Variants in C2orf49 observed in about 807,000 individuals in gnomAD.
The protein encoded by C2orf49 is tRNA-splicing ligase complex subunit ASW.
In C2orf49, 11 loss-of-function variants were observed where a neutral mutation model predicts 20.6. The observed-to-expected ratio is 0.53, with a 90% CI of 0.34 to 0.88. The LOEUF is 0.88. Ranked by LOEUF, C2orf49 falls within the 40% of genes least tolerant of loss-of-function variation. C2orf49 has a pLI of 0.02. For missense variants in C2orf49, 289 were observed against 274.2 expected (o/e 1.05, Z -0.38); for synonymous variants, 134 against 108.5 (o/e 1.24, Z -1.46).
the C2orf49 span, chr2:105,373,605 G>T: frequency 6.2e-7 from 1 of 1,614,236 alleles, no homozygotes. Context: ...ATGAGTACTC[G>T]TTGGAATAGC....
the C2orf49 span, chr2:105,362,902 C>T: frequency 5.6e-6 from 1 of 178,608 alleles, no homozygotes; most frequent in East Asian, 1.6e-4. Flanking sequence ...TGGAGTACAA[C>T]CGTCCCACTA....
rs1316510785 is a variant in C2orf49, at chr2:105,346,023, CTT to C, written c.*654_*655del. The C allele has an allele frequency of 6.6e-6, 1 of 150,960 alleles. No individual in the cohort carries two copies. Among genetic ancestry groups the C allele is most frequent in the Non-Finnish European group, 1.5e-5 (1 of 67,864 alleles). The allele number at this position is 150,960 out of a possible 1,614,324, so 9.4% of individuals were successfully genotyped here. The stretch of plus-strand genomic sequence containing the variant: ...TACTCTCATTAGCCTTGTTCAGAGT[CTT>C]TGGGGGAAATTTGAGATTTTTGAGA... On this transcript the variant is annotated 3_prime_UTR_variant, in exon 4 of 4. Transcript: ENST00000258457.
At chr2:105,337,799 T>G (rs919597890) in intron 1 of C2orf49, 113 bp downstream of exon 1, 14 of 934,878 alleles carry the variant, frequency 1.5e-5, no homozygotes, top group Non-Finnish European at 2.2e-5. Context: ...GCCGGGTTTG[T>G]GTCACTCTCC....
At chr2:105,365,813 A>G in the C2orf49 span, among the ~76,000 whole-genome samples, 2 of 151,928 alleles carry the variant, frequency 1.3e-5, no homozygotes. Flanking sequence ...CCACTGTACT[A>G]CAGCCCAGGT....
the C2orf49 span, among the ~76,000 whole-genome samples, chr2:105,385,556 C>T: frequency 1.3e-5 from 2 of 152,192 alleles, no homozygotes; most frequent in Middle Eastern, 6.3e-3. Context: ...CCAAAGGAAT[C>T]CCATTTTGTA....
At chr2:105,380,928 A>G in the C2orf49 span, among the ~76,000 whole-genome samples, 22,583 of 152,210 alleles carry the variant, frequency 0.15, 2,852 homozygotes, top group African/African-American at 0.35. Flanking sequence ...GTATTTTTCC[A>G]TTGCAGAAAC....
chr2:105,372,342 C>T, the C2orf49 span, among the ~76,000 whole-genome samples: 2 of 152,078 alleles, frequency 1.3e-5, no homozygotes, highest in Non-Finnish European at 2.9e-5. Flanking sequence ...TCTCCTGCCT[C>T]AGCCTCCCGA....
At chr2:105,357,919 C>G in the C2orf49 span, 3 of 152,154 alleles carry the variant, frequency 2.0e-5, no homozygotes, top group Admixed American at 2.0e-4. Flanking sequence ...GATTTCTGCT[C>G]TTTGCTGATG....
At chr2:105,343,245 AT>A in intron 3 of C2orf49, 22 bp downstream of exon 3, 2 of 1,543,220 alleles carry the variant, frequency 1.3e-6, no homozygotes, top group Non-Finnish European at 1.7e-6. Flanking sequence ...GGTGGTTTCC[AT>A]GCTGGTAAGT....
intron 2 of C2orf49, among the ~76,000 whole-genome samples, chr2:105,341,773 C>T (rs1202263671): frequency 1.3e-5 from 2 of 152,210 alleles, no homozygotes; most frequent in African/African-American, 2.4e-5. Context: ...TACTGACTGA[C>T]GTTGCTGTGC....
chr2:105,384,699 G>C, the C2orf49 span, among the ~76,000 whole-genome samples: 2 of 152,210 alleles, frequency 1.3e-5, no homozygotes, highest in Admixed American at 6.5e-5. Context: ...GTAGACACAG[G>C]GTTTCGCCAT....
the C2orf49 span, among the ~76,000 whole-genome samples, chr2:105,365,067 T>C: frequency 6.6e-6 from 1 of 152,206 alleles, no homozygotes; most frequent in Non-Finnish European, 1.5e-5. Flanking sequence ...AGTCCTCCCT[T>C]GCTCCGGATT....
the C2orf49 span, among the ~76,000 whole-genome samples, chr2:105,357,485 C>A: frequency 2.2e-4 from 33 of 152,256 alleles, no homozygotes; most frequent in Non-Finnish European, 2.9e-4. Context: ...AATTCCAGGA[C>A]CCCCTACAAA....
chr2:105,377,222 C>T, the C2orf49 span, among the ~76,000 whole-genome samples: 1 of 152,188 alleles, frequency 6.6e-6, no homozygotes, highest in Admixed American at 6.5e-5. Flanking sequence ...AGCAAAAGCT[C>T]TGGGGATTGG....
the C2orf49 span, chr2:105,363,416 A>G: frequency 6.2e-7 from 1 of 1,613,304 alleles, no homozygotes; most frequent in Non-Finnish European, 8.5e-7. Context: ...GGTGCACACG[A>G]AGCACTCCTT....
At chr2:105,363,460 C>G in the C2orf49 span, 3 of 1,608,728 alleles carry the variant, frequency 1.9e-6, no homozygotes, top group Non-Finnish European at 1.7e-6. Context: ...TGACCCCTCC[C>G]GTGGTGATGG....
chr2:105,340,340 C>T (rs956276189), intron 2 of C2orf49, among the ~76,000 whole-genome samples: 2 of 152,168 alleles, frequency 1.3e-5, no homozygotes, highest in Non-Finnish European at 2.9e-5. Flanking sequence ...CAAGATGACT[C>T]TGGCTGCTGT....
chr2:105,343,782 G>A (rs1157124505), intron 3 of C2orf49, among the ~76,000 whole-genome samples: 1 of 152,044 alleles, frequency 6.6e-6, no homozygotes, highest in African/African-American at 2.4e-5. Context: ...GAATCATTTG[G>A]ATGCTTGTTG....
chr2:105,373,808 C>A, the C2orf49 span: 60 of 1,475,168 alleles, frequency 4.1e-5, no homozygotes, highest in African/African-American at 7.4e-4. Context: ...GGGCCCCTTG[C>A]GAATCTGCAG....
Sources: gnomAD v4.1 joint callset for allele counts (sites outside exome capture counted in the v4.1 genomes callset) on GRCh38, gnomAD v4.1.1 for gene constraint, MANE v1.5 for transcripts, NCBI Gene and HGNC (gene_info 2026-07-23, HGNC 2026-07-21) for gene names.